The following TMEFF2 variants were observed in gnomAD, a reference collection of about 807,000 sequenced individuals.
TMEFF2 encodes the protein transmembrane protein with EGF like and two follistatin like domains 2, also known as tomoregulin-2.
A neutral mutation model predicts 53.8 loss-of-function variants in TMEFF2; 28 were observed. The ratio of observed to expected loss-of-function variants is 0.52; its 90% CI spans 0.39 to 0.71. The LOEUF (loss-of-function observed/expected upper bound fraction) is 0.71, where lower values mean the gene tolerates loss of function less well. Among genes scored for constraint, TMEFF2 ranks in the 30% least tolerant of loss-of-function variants. The pLI is 0.00. For synonymous variants in TMEFF2, 162 were observed against 166.3 expected (o/e 0.97, Z 0.20); for missense variants, 353 against 455.2 (o/e 0.78, Z 2.04).
chr2:192,040,223 C>G lies in TMEFF2; in HGVS notation c.536+17456G>C, dbSNP rs183837177. Among the ~76,000 whole-genome samples the G allele has an allele frequency of 8.5e-5, 13 of 152,214 alleles. No homozygotes were observed. The East Asian group carries it at 2.5e-3, about 29-fold the overall frequency. ...TTTCTCACCTTGAATTCAGAGCACT[C>G]AGAGATAAGCCTTTTGATTAATAGT... On this transcript the variant is annotated intron_variant, in intron 5 of 9. Transcript: ENST00000272771.
At chr2:191,971,805 A>G (rs986394097) in intron 7 of TMEFF2, among the ~76,000 whole-genome samples, 1 of 152,202 alleles carries the variant, frequency 6.6e-6, no homozygotes, top group Non-Finnish European at 1.5e-5. Context: ...GAGATAGGCA[A>G]TAGATAAAAA....
chr2:191,982,574 T>C (rs1574264585), intron 7 of TMEFF2, among the ~76,000 whole-genome samples: 1 of 148,094 alleles, frequency 6.8e-6, no homozygotes, highest in East Asian at 2.0e-4. Context: ...AGATGTAAAA[T>C]ACAAATGTTA....
At chr2:192,081,163 T>C (rs1688544051) in intron 4 of TMEFF2, among the ~76,000 whole-genome samples, 1 of 152,206 alleles carries the variant, frequency 6.6e-6, no homozygotes, top group Admixed American at 6.5e-5. Flanking sequence ...GTGATACGCT[T>C]TGTTTTTCTA....
At chr2:192,034,174 CAAAAAAA>C (rs5837274) in intron 5 of TMEFF2, among the ~76,000 whole-genome samples, 1 of 105,360 alleles carries the variant, frequency 9.5e-6, no homozygotes, top group African/African-American at 3.7e-5. Context: ...GACTCCATTT[CAAAAAAA>C]AAAAAAAAAA....
intron 4 of TMEFF2, among the ~76,000 whole-genome samples, chr2:192,125,154 T>G (rs1689647096): frequency 6.6e-6 from 1 of 152,200 alleles, no homozygotes; most frequent in Non-Finnish European, 1.5e-5. Context: ...TTTTCTCAGC[T>G]GGATGGGAAG....
At chr2:192,075,304 T>TAAATATATATATATATATAAATAA (rs1553518793) in intron 4 of TMEFF2, among the ~76,000 whole-genome samples, 2 of 17,296 alleles carry the variant, frequency 1.2e-4, no homozygotes, top group Admixed American at 8.8e-4. Context: ...TATATATATA[T>TAAATATATATATATATATAAATAA]ATATATATAT....
At position 192,127,917 on chromosome 2, in the gene TMEFF2, C is replaced by A. The variant is rs186957095; in HGVS notation, c.439+51751G>T. Among the ~76,000 whole-genome samples the A allele has an allele frequency of 5.3e-5, 8 of 152,246 alleles. No homozygotes were observed. The East Asian group carries it at 1.5e-3, about 29-fold the overall frequency. On this transcript the variant is annotated intron_variant, in intron 4 of 9. Coordinates refer to ENST00000272771, the MANE Select transcript of TMEFF2 (RefSeq NM_016192.4). Reference sequence around the variant, plus strand: ...TTTAATTTTTATGTGCTACATAACTCCTCTTTGGAAACCCATTAATTTAAA... The same window carrying A: ...TTTAATTTTTATGTGCTACATAACTACTCTTTGGAAACCCATTAATTTAAA...
At chr2:192,051,493 TTTG>T (rs1373287867) in intron 5 of TMEFF2, among the ~76,000 whole-genome samples, 2 of 152,214 alleles carry the variant, frequency 1.3e-5, no homozygotes, top group Non-Finnish European at 2.9e-5. Flanking sequence ...ATACAATCTT[TTTG>T]TTCAATTGTC....
intron 4 of TMEFF2, among the ~76,000 whole-genome samples, chr2:192,161,714 T>C (rs1299321394): frequency 3.3e-5 from 5 of 152,152 alleles, no homozygotes; most frequent in African/African-American, 9.7e-5. Flanking sequence ...CACAAAATAA[T>C]GTGTTGCCTA....
chr2:191,964,628 G>A (rs1377747957), intron 7 of TMEFF2, among the ~76,000 whole-genome samples: 1 of 151,380 alleles, frequency 6.6e-6, no homozygotes, highest in Non-Finnish European at 1.5e-5. Flanking sequence ...AATGAAAAAG[G>A]CCCTCTCAAT....
chr2:192,167,141 C>A (rs1015707439), intron 4 of TMEFF2, among the ~76,000 whole-genome samples: 1 of 152,112 alleles, frequency 6.6e-6, no homozygotes, highest in Non-Finnish European at 1.5e-5. Context: ...CTGTCTAATT[C>A]TCCTAGTCAG....
At chr2:191,963,963 A>G (rs993233504) in intron 7 of TMEFF2, among the ~76,000 whole-genome samples, 1 of 152,220 alleles carries the variant, frequency 6.6e-6, no homozygotes, top group Admixed American at 6.5e-5. Flanking sequence ...TAGGAAAATG[A>G]AATTAAAGTA....
intron 4 of TMEFF2, among the ~76,000 whole-genome samples, chr2:192,172,335 C>T (rs1690936301): frequency 6.6e-6 from 1 of 151,802 alleles, no homozygotes; most frequent in Admixed American, 6.6e-5. Context: ...CTTTAGAGTA[C>T]TTTCCTGCAT....
At chr2:192,016,056 T>C (rs966582461) in intron 5 of TMEFF2, among the ~76,000 whole-genome samples, 1 of 152,178 alleles carries the variant, frequency 6.6e-6, no homozygotes, top group Admixed American at 6.5e-5. Flanking sequence ...AGAAAGGTAC[T>C]CACTTTTTGG....
chr2:191,985,350 T>TAACA (rs1455513523), intron 7 of TMEFF2, among the ~76,000 whole-genome samples: 1 of 152,140 alleles, frequency 6.6e-6, no homozygotes, highest in East Asian at 1.9e-4. Flanking sequence ...CAGTAGGAAC[T>TAACA]AACAAATCAC....
intron 4 of TMEFF2, among the ~76,000 whole-genome samples, chr2:192,058,602 G>A (rs1239609312): frequency 1.3e-5 from 2 of 152,052 alleles, no homozygotes; most frequent in Admixed American, 1.3e-4. Context: ...TAGTATTTGA[G>A]TACAAGGAAT....
rs572508500 is a variant in TMEFF2 at position 191,976,973 on chromosome 2, T to G, written c.746-20595A>C. 7.2e-5 allele frequency among the ~76,000 whole-genome samples: 11 copies of G among 152,348 alleles called. No individual in the cohort carries two copies. The South Asian group carries it at 2.1e-3, about 29-fold the overall frequency. On this transcript the variant is annotated intron_variant, in intron 7 of 9. Coordinates refer to ENST00000272771, the MANE Select transcript of TMEFF2 (RefSeq NM_016192.4). ...CACACAGTAAGTACTCAATAAACTA[T>G]AGCTATTTTAAACTAATGTGTGTCA...
intron 4 of TMEFF2, among the ~76,000 whole-genome samples, chr2:192,091,044 C>T (rs1345713217): frequency 6.6e-6 from 1 of 152,146 alleles, no homozygotes; most frequent in African/African-American, 2.4e-5. Context: ...GTCTCACACA[C>T]TCAAGCTGCC....
At chr2:192,159,073 A>G (rs758839185) in intron 4 of TMEFF2, among the ~76,000 whole-genome samples, 10 of 152,300 alleles carry the variant, frequency 6.6e-5, no homozygotes, top group Middle Eastern at 3.4e-3. Flanking sequence ...AGATTATTCT[A>G]TAAAGATTAT....
Sources: allele counts gnomAD v4.1 joint callset (sites outside exome capture counted in the v4.1 genomes callset), GRCh38; gene constraint gnomAD v4.1.1; transcripts MANE v1.5; gene names NCBI Gene and HGNC (gene_info 2026-07-23, HGNC 2026-07-21).